Variants in AGBL4 observed in about 807,000 individuals in gnomAD.
AGBL4 encodes the protein cytosolic carboxypeptidase 6.
In AGBL4, 58 loss-of-function variants were observed where a neutral mutation model predicts 66.4. The observed-to-expected ratio is 0.87, with a 90% CI of 0.71 to 1.09. The LOEUF (loss-of-function observed/expected upper bound fraction) is 1.09. AGBL4 is among the 50% of genes least tolerant of loss of function. The pLI, the probability that AGBL4 is intolerant of heterozygous loss-of-function variation, is 0.00. For missense variants in AGBL4, 579 were observed against 631.0 expected, an observed-to-expected ratio of 0.92 and a Z score of 0.88; for synonymous variants, 234 against 222.9, an observed-to-expected ratio of 1.05 and a Z score of -0.44.
chr1:49,544,062 T>G (rs1051528147), intron 3 of AGBL4, among the ~76,000 whole-genome samples: 1 of 152,186 alleles, frequency 6.6e-6, no homozygotes, highest in African/African-American at 2.4e-5. Flanking sequence ...TGCGCTGCCT[T>G]TTCTCCATCT....
At chr1:48,562,888 C>A (rs1644416859) in intron 11 of AGBL4, among the ~76,000 whole-genome samples, 1 of 152,140 alleles carries the variant, frequency 6.6e-6, no homozygotes, top group Non-Finnish European at 1.5e-5. Flanking sequence ...CACTGGGATG[C>A]AAAAGTTCAA....
chr1:49,759,167 T>C (rs1021736850), intron 2 of AGBL4, among the ~76,000 whole-genome samples: 1 of 152,180 alleles, frequency 6.6e-6, no homozygotes, highest in African/African-American at 2.4e-5. Context: ...TGAGTCTACC[T>C]CTTTTCTTTA....
intron 1 of AGBL4, among the ~76,000 whole-genome samples, chr1:49,998,913 C>T (rs1169973369): frequency 2.0e-5 from 3 of 152,048 alleles, no homozygotes; most frequent in African/African-American, 7.2e-5. Context: ...TCAGCAAAAT[C>T]GCCATGGAAG....
chr1:49,045,704 T>A lies in AGBL4; in HGVS notation c.474A>T (p.Glu158Asp), dbSNP rs1644062083. The change falls in exon 5 of 14, where the codon GAA becomes GAT. Residue 158 changes from glutamate (E) to aspartate (D), a missense_variant. By Grantham distance (45) the Glu-to-Asp change is conservative. Coordinates refer to ENST00000371839, the MANE Select transcript of AGBL4 (RefSeq NM_032785.4). The stretch of plus-strand genomic sequence containing the variant: ...AGCAGTAAGCAAACTGGTAAATATC[T>A]TCTTCTCGGTCAAAACAAAAGGCAA... ...MSFAFCFDREEDIYQFAYCYP... is the reference protein window; with the variant it reads ...MSFAFCFDREDDIYQFAYCYP... 1 of 1,555,510 alleles carries A rather than the reference T, an allele frequency of 6.4e-7. No individual in the cohort carries two copies. Among genetic ancestry groups the A allele is most frequent in the Non-Finnish European group, 8.7e-7 (1 of 1,148,662 alleles).
chr1:48,539,809 A>C (rs1402005512), intron 11 of AGBL4, 71 bp from the exon 12 acceptor site: 8 of 1,033,906 alleles, frequency 7.7e-6, no homozygotes, highest in African/African-American at 1.7e-5. Flanking sequence ...ACTACTAATA[A>C]AAATAATAAC....
chr1:49,648,687 C>T (rs1645941016), intron 3 of AGBL4, among the ~76,000 whole-genome samples: 1 of 151,526 alleles, frequency 6.6e-6, no homozygotes, highest in Non-Finnish European at 1.5e-5. Context: ...AGAAACTATG[C>T]AAGCAAAAAG....
chr1:49,330,985 C>CA (rs1645321786), intron 3 of AGBL4, among the ~76,000 whole-genome samples: 1 of 152,212 alleles, frequency 6.6e-6, no homozygotes, highest in South Asian at 2.1e-4. Context: ...CCCCCACTCC[C>CA]AGCCAAGGGA....
chr1:48,908,323 A>T (rs1224942979), intron 5 of AGBL4, among the ~76,000 whole-genome samples: 1 of 152,142 alleles, frequency 6.6e-6, no homozygotes, highest in African/African-American at 2.4e-5. Flanking sequence ...CTTTTCAAAA[A>T]ATTCGGGGAA....
Position 49,801,865 on chromosome 1 carries a change from G to A in AGBL4, c.157+49531C>T, listed in dbSNP as rs144211067. Among the ~76,000 whole-genome samples the A allele has an allele frequency of 1.4e-3, 207 of 152,298 alleles. 1 individual carries two copies. Among genetic ancestry groups the A allele is most frequent in the African/African-American group, 4.8e-3 (201 of 41,580 alleles). ...TCTTCAAGTGGCCTGCACAGTGTTT[G>A]AAATACGTCTGTTATGGTGTCATCC... On this transcript the variant is annotated intron_variant, in intron 2 of 13. Transcript: ENST00000371839.
chr1:49,891,839 CT>C, intron 1 of AGBL4, among the ~76,000 whole-genome samples: 1 of 152,338 alleles, frequency 6.6e-6, no homozygotes, highest in East Asian at 1.9e-4. Context: ...ATCCATGTTG[CT>C]TTCATTACAA....
intron 1 of AGBL4, among the ~76,000 whole-genome samples, chr1:49,858,001 C>T (rs1394573604): frequency 6.6e-6 from 1 of 151,918 alleles, no homozygotes; most frequent in African/African-American, 2.4e-5. Flanking sequence ...ACAAAGAACT[C>T]AAAAAACTCA....
chr1:49,208,566 C>G (rs547272338), intron 4 of AGBL4, among the ~76,000 whole-genome samples: 1 of 152,084 alleles, frequency 6.6e-6, no homozygotes, highest in East Asian at 1.9e-4. Context: ...ACACATGATG[C>G]CTGTCTCAGA....
rs568115775 is a variant in AGBL4, at chr1:48,819,996, T to C, written c.634+47195A>G. ...AGCCACACAAAGCCATTCTGCTGCC[T>C]TCTGCATTGTGCTGTGTGTTTTCAT... On this transcript the variant is annotated intron_variant, in intron 6 of 13. Coordinates refer to ENST00000371839, the MANE Select transcript of AGBL4 (RefSeq NM_032785.4). Among the ~76,000 whole-genome samples, 122 of 152,370 alleles carry C rather than the reference T, an allele frequency of 8.0e-4. 4 individuals are homozygous for C. The South Asian group carries it at 0.023, about 29-fold the overall frequency.
intron 6 of AGBL4, among the ~76,000 whole-genome samples, chr1:48,712,961 G>T (rs1331914222): frequency 2.0e-5 from 3 of 152,318 alleles, no homozygotes; most frequent in Admixed American, 6.5e-5. Flanking sequence ...ACCAGTACCT[G>T]TCTAAGAACT....
At chr1:49,089,006 G>A (rs1644955520) in intron 4 of AGBL4, among the ~76,000 whole-genome samples, 1 of 151,652 alleles carries the variant, frequency 6.6e-6, no homozygotes, top group Non-Finnish European at 1.5e-5. Flanking sequence ...TTGACTTTTG[G>A]GTAAACAATG....
chr1:49,033,112 T>C (rs556988068), intron 5 of AGBL4, among the ~76,000 whole-genome samples: 1 of 152,074 alleles, frequency 6.6e-6, no homozygotes, highest in Non-Finnish European at 1.5e-5. Flanking sequence ...TGGAAGACCC[T>C]CAGCTAGATA....
chr1:49,089,213 C>A (rs1297751341), intron 4 of AGBL4, among the ~76,000 whole-genome samples: 2 of 150,082 alleles, frequency 1.3e-5, no homozygotes, highest in Non-Finnish European at 1.5e-5. Flanking sequence ...AAGAGAAAAC[C>A]AAACCTGAAG....
At chr1:48,740,121 T>C (rs1649680511) in intron 6 of AGBL4, among the ~76,000 whole-genome samples, 3 of 152,264 alleles carry the variant, frequency 2.0e-5, no homozygotes, top group Admixed American at 1.3e-4. Context: ...GAAAATATTT[T>C]CTGACATTCA....
intron 3 of AGBL4, among the ~76,000 whole-genome samples, chr1:49,402,633 T>G (rs1281158592): frequency 6.7e-6 from 1 of 150,212 alleles, no homozygotes; most frequent in African/African-American, 2.4e-5. Context: ...AATGGCACCA[T>G]CTCCACTCAC....
Sources: gnomAD v4.1 joint callset for allele counts (sites outside exome capture counted in the v4.1 genomes callset) on GRCh38, gnomAD v4.1.1 for gene constraint, MANE v1.5 for transcripts, NCBI Gene and HGNC (gene_info 2026-07-23, HGNC 2026-07-21) for gene names.